GSG1L: variants seen among roughly 807,000 people sequenced by gnomAD.
The protein encoded by GSG1L is germ cell-specific gene 1-like protein.
Under a neutral mutation model 42.1 loss-of-function variants are expected in GSG1L, and 24 were observed. The ratio of observed to expected loss-of-function variants is 0.57; its 90% CI spans 0.41 to 0.80. GSG1L has a LOEUF of 0.80. GSG1L is among the 30% of genes least tolerant of loss of function. GSG1L has a pLI of 0.00. For synonymous variants in GSG1L, 215 were observed against 203.5 expected, an observed-to-expected ratio of 1.06 and a Z score of -0.48; for missense variants, 445 against 472.2, an observed-to-expected ratio of 0.94 and a Z score of 0.53.
At chr16:27,882,613 C>T (rs2083973686) in intron 3 of GSG1L, among the ~76,000 whole-genome samples, 1 of 152,138 alleles carries the variant, frequency 6.6e-6, no homozygotes. Flanking sequence ...ACCTGGAATG[C>T]CCTCCTCAAG....
In GSG1L at chr16:28,047,702, G is replaced by GA. The variant is rs555035527; in HGVS notation, c.349+15373dup. On this transcript the variant is annotated intron_variant, in intron 1 of 6. Coordinates refer to ENST00000447459, the MANE Select transcript of GSG1L (RefSeq NM_001109763.2). ...GCAAAGTAAAAAGCATTCACTGGGG[G>GA]AAAATAGCCATTTTATCTTGACAAA... Among the ~76,000 whole-genome samples the GA allele has an allele frequency of 1.5e-4, 23 of 152,152 alleles. No individual in the cohort carries two copies. The East Asian group carries it at 4.1e-3, about 27-fold the overall frequency.
intron 3 of GSG1L, among the ~76,000 whole-genome samples, chr16:27,878,907 A>G (rs1419902922): frequency 6.6e-6 from 1 of 152,210 alleles, no homozygotes; most frequent in African/African-American, 2.4e-5. Flanking sequence ...TTCACAGATG[A>G]AAATCACTAT....
At chr16:27,825,457 G>A (rs1303030362) in intron 5 of GSG1L, among the ~76,000 whole-genome samples, 2 of 152,272 alleles carry the variant, frequency 1.3e-5, no homozygotes, top group African/African-American at 2.4e-5. Context: ...GATTGCTTGC[G>A]GCTAGGAGTT....
At chr16:27,807,305 G>A (rs1438049862) in intron 6 of GSG1L, among the ~76,000 whole-genome samples, 182 bp downstream of exon 6, 1 of 152,146 alleles carries the variant, frequency 6.6e-6, no homozygotes, top group Non-Finnish European at 1.5e-5. Context: ...TGTGGGGAGA[G>A]CTGCGTGCAG....
intron 3 of GSG1L, among the ~76,000 whole-genome samples, chr16:27,849,934 C>T (rs2083489304): frequency 6.7e-6 from 1 of 149,516 alleles, no homozygotes; most frequent in African/African-American, 2.5e-5. Flanking sequence ...AGCGTCTGGG[C>T]AGATGCCATT....
At chr16:27,832,134 C>T (rs1171550131) in intron 4 of GSG1L, among the ~76,000 whole-genome samples, 1 of 152,096 alleles carries the variant, frequency 6.6e-6, no homozygotes, top group African/African-American at 2.4e-5. Flanking sequence ...TTTTTCCTTT[C>T]ATTTATTTAC....
chr16:27,958,278 GC>G (rs1164087049), intron 2 of GSG1L, among the ~76,000 whole-genome samples: 1 of 151,824 alleles, frequency 6.6e-6, no homozygotes, highest in African/African-American at 2.4e-5. Context: ...GGTGGTAGGT[GC>G]CTGTAATCCC....
chr16:27,988,686 A>C (rs2085415694), intron 1 of GSG1L, among the ~76,000 whole-genome samples: 1 of 152,082 alleles, frequency 6.6e-6, no homozygotes, highest in South Asian at 2.1e-4. Context: ...TCCTTTAAAC[A>C]AGAATTTATG....
intron 1 of GSG1L, among the ~76,000 whole-genome samples, chr16:28,048,190 T>C (rs2086185162): frequency 6.6e-6 from 1 of 152,108 alleles, no homozygotes; most frequent in Non-Finnish European, 1.5e-5. Flanking sequence ...ATGTTGTCAC[T>C]GCACTCCAGC....
chr16:27,979,722 G>GAAAAA (rs1567542939), intron 1 of GSG1L, among the ~76,000 whole-genome samples: 13 of 30,370 alleles, frequency 4.3e-4, no homozygotes, highest in Non-Finnish European at 5.9e-4. Flanking sequence ...AAGGAAGGAA[G>GAAAAA]GAAGGAAAGA....
rs965208348 is a variant in GSG1L, at chr16:27,884,982, G to C, written c.398-344C>G. Among the ~76,000 whole-genome samples, 1 of 152,126 alleles carries C rather than the reference G, an allele frequency of 6.6e-6. No individual in the cohort carries two copies. The highest frequency in any genetic ancestry group is 1.5e-5 in the Non-Finnish European group (1 of 68,026). Reference sequence around the variant, plus strand: ...TTAGGGTGAAGCTGACACTGTAGACGCAGAGAAGAGTGATGGAACGATGGC... The same window carrying C: ...TTAGGGTGAAGCTGACACTGTAGACCCAGAGAAGAGTGATGGAACGATGGC... On this transcript the variant is annotated intron_variant, in intron 2 of 6. Transcript: ENST00000447459. The surrounding 1 kb of genome is among the most constrained non-coding windows in gnomAD (Gnocchi z 4.4).
At chr16:28,049,577 C>T (rs564059551) in intron 1 of GSG1L, among the ~76,000 whole-genome samples, 1 of 151,730 alleles carries the variant, frequency 6.6e-6, no homozygotes, top group Admixed American at 6.6e-5. Flanking sequence ...GTCCCAGCTA[C>T]TCGGAAGGCT....
At chr16:27,833,316 A>G (rs978453778) in intron 4 of GSG1L, among the ~76,000 whole-genome samples, 48 of 151,636 alleles carry the variant, frequency 3.2e-4, no homozygotes, top group African/African-American at 1.1e-3. Flanking sequence ...GTATTGGTCT[A>G]TTTCTGAGTT....
chr16:27,947,599 A>AAGAAAGAAAGAAAGAAAGAAAG (rs1401836017), intron 2 of GSG1L, among the ~76,000 whole-genome samples: 1 of 85,994 alleles, frequency 1.2e-5, no homozygotes, highest in African/African-American at 5.1e-5. Flanking sequence ...GAAAGAAAGA[A>AAGAAAGAAAGAAAGAAAGAAAG]AAAGAAAGAA....
At chr16:28,060,192 A>C (rs1031622369) in intron 1 of GSG1L, among the ~76,000 whole-genome samples, 3 of 152,066 alleles carry the variant, frequency 2.0e-5, no homozygotes, top group African/African-American at 7.2e-5. Flanking sequence ...GATTTTGTTC[A>C]GGGGGCTATT....
intron 1 of GSG1L, among the ~76,000 whole-genome samples, chr16:27,965,631 T>A (rs1256807345): frequency 6.6e-6 from 1 of 152,108 alleles, no homozygotes; most frequent in Non-Finnish European, 1.5e-5. Flanking sequence ...GGCACCTCCA[T>A]CCCCAGATGC....
intron 1 of GSG1L, among the ~76,000 whole-genome samples, chr16:27,972,323 A>G (rs2085202037): frequency 6.6e-6 from 1 of 152,262 alleles, no homozygotes; most frequent in South Asian, 2.1e-4. Flanking sequence ...GGAACACAGG[A>G]TACTTCAATG....
At chr16:27,845,096 G>A in intron 3 of GSG1L, 35 bp from the exon 4 acceptor site, 1 of 1,436,556 alleles carries the variant, frequency 7.0e-7, no homozygotes, top group Non-Finnish European at 9.7e-7. Flanking sequence ...GCGTCAGGAA[G>A]TAAGGAAGGG....
At chr16:27,820,517 C>T (rs1026441198) in intron 5 of GSG1L, among the ~76,000 whole-genome samples, 10 of 152,052 alleles carry the variant, frequency 6.6e-5, no homozygotes, top group African/African-American at 2.4e-4. Flanking sequence ...CAAGGCTCCC[C>T]CACAGCAAAC....
Sources: allele counts gnomAD v4.1 joint callset (sites outside exome capture counted in the v4.1 genomes callset), GRCh38; gene constraint gnomAD v4.1.1; non-coding constraint Gnocchi (gnomAD v3.1); transcripts MANE v1.5; gene names NCBI Gene and HGNC (gene_info 2026-07-23, HGNC 2026-07-21).